Variants in CLEC16A observed in about 807,000 individuals in gnomAD.
The protein encoded by CLEC16A is protein CLEC16A.
CLEC16A carries 51 observed loss-of-function variants against 109.5 expected under a neutral mutation model. The observed-to-expected ratio is 0.47, with a 90% CI of 0.37 to 0.59. CLEC16A has a LOEUF of 0.59. Among genes scored for constraint, CLEC16A ranks in the 20% least tolerant of loss-of-function variants. The probability of loss-of-function intolerance (pLI) is 0.00; values close to 1 mark genes in which losing one functional copy is unlikely to be tolerated. For missense variants in CLEC16A, 1,339 were observed against 1,394.0 expected, an observed-to-expected ratio of 0.96 and a Z score of 0.63; for synonymous variants, 673 against 564.2, an observed-to-expected ratio of 1.19 and a Z score of -2.73.
chr16:10,978,523 C>T (rs984109419), intron 8 of CLEC16A, among the ~76,000 whole-genome samples: 11 of 152,190 alleles, frequency 7.2e-5, no homozygotes, highest in African/African-American at 2.7e-4. Flanking sequence ...ACGCCTGCCT[C>T]GGCCTCCCAA....
chr16:11,039,196 G>A (rs1227361114), intron 13 of CLEC16A, among the ~76,000 whole-genome samples: 2 of 152,042 alleles, frequency 1.3e-5, no homozygotes, highest in Non-Finnish European at 2.9e-5. Flanking sequence ...CCACCATTTG[G>A]GGCTAGCTTC....
chr16:11,158,560 C>A (rs535025597), intron 22 of CLEC16A, among the ~76,000 whole-genome samples: 2 of 152,100 alleles, frequency 1.3e-5, no homozygotes, highest in African/African-American at 4.8e-5. Context: ...ACCTCAGACT[C>A]AAAAGCCCCC....
intron 9 of CLEC16A, among the ~76,000 whole-genome samples, chr16:10,982,558 G>T (rs1475473431): frequency 9.9e-5 from 15 of 152,174 alleles, no homozygotes; most frequent in Admixed American, 9.8e-4. Context: ...GAGTGTGCTG[G>T]TTTGGCTGTT....
intron 12 of CLEC16A, among the ~76,000 whole-genome samples, chr16:11,021,396 C>T (rs553829290): frequency 7.2e-5 from 11 of 152,318 alleles, no homozygotes; most frequent in South Asian, 4.1e-4. Flanking sequence ...TAAACACAGA[C>T]GGTTGGGGAC....
chr16:11,044,628 G>GT (rs1567237407), intron 16 of CLEC16A, among the ~76,000 whole-genome samples: 2 of 152,102 alleles, frequency 1.3e-5, no homozygotes, highest in African/African-American at 4.8e-5. Context: ...GTTCCAGATG[G>GT]TTTTATAAAT....
rs545447854 is a variant in CLEC16A, at chr16:11,003,505, G to T, written c.1303+200G>T. ...TGCTGTAGGTGTATGTCATATGCAGGTCCAGGGCAAGTCCCGCCCTCATGG... is the reference window on the plus strand; with the variant it reads ...TGCTGTAGGTGTATGTCATATGCAGTTCCAGGGCAAGTCCCGCCCTCATGG... On this transcript the variant is annotated intron_variant, in intron 11 of 23. Transcript: ENST00000409790. Among the ~76,000 whole-genome samples, 3 of 152,290 alleles carry T rather than the reference G, an allele frequency of 2.0e-5. No individual in the cohort carries two copies. The East Asian group carries it at 5.8e-4, about 29-fold the overall frequency.
intron 19 of CLEC16A, among the ~76,000 whole-genome samples, chr16:11,065,819 G>T (rs1475582901): frequency 4.6e-5 from 7 of 152,224 alleles, no homozygotes; most frequent in Admixed American, 6.5e-5. Context: ...GGGAGAGAGG[G>T]TGCTGTGTCC....
At chr16:11,000,915 A>T (rs1204116967) in intron 10 of CLEC16A, among the ~76,000 whole-genome samples, 1 of 152,200 alleles carries the variant, frequency 6.6e-6, no homozygotes, top group African/African-American at 2.4e-5. Flanking sequence ...TCAGATGGAT[A>T]ATCTATATCA....
chr16:11,038,442 C>T (rs1172820867), intron 13 of CLEC16A, among the ~76,000 whole-genome samples: 1 of 152,076 alleles, frequency 6.6e-6, no homozygotes, highest in Non-Finnish European at 1.5e-5. Flanking sequence ...TTTGAAGAGC[C>T]ACGTCAGTTG....
chr16:11,011,083 T>C (rs1374064847), intron 11 of CLEC16A, among the ~76,000 whole-genome samples: 1 of 152,236 alleles, frequency 6.6e-6, no homozygotes, highest in Non-Finnish European at 1.5e-5. Flanking sequence ...GCCCAGTTTC[T>C]GTATTGTGTA....
At chr16:11,133,069 G>A (rs2153051365) in intron 22 of CLEC16A, among the ~76,000 whole-genome samples, 1 of 152,318 alleles carries the variant, frequency 6.6e-6, no homozygotes, top group South Asian at 2.1e-4. Context: ...GCTTCCTACT[G>A]GGTTTGGGGC....
chr16:11,037,842 C>T lies in CLEC16A; in HGVS notation c.1538-1912C>T, dbSNP rs149629873. 5.6e-3 allele frequency among the ~76,000 whole-genome samples: 699 copies of T among 125,158 alleles called. 10 individuals carry two copies. Among genetic ancestry groups the T allele is most frequent in the African/African-American group, 0.02 (671 of 33,054 alleles). 82.1% of individuals were successfully genotyped at this position (125,158 alleles called of 152,430 possible). A position where few individuals can be genotyped will look rare whatever the true frequency, so the allele number is the denominator to read the frequency against. On this transcript the variant is annotated intron_variant, in intron 13 of 23. Transcript: ENST00000409790. ...CAGTTCTCAAAGGGCCAGAAATTAA[C>T]GAGTAGAGAGATGTTAGGACAGTGT...
At chr16:11,026,945 A>T in intron 13 of CLEC16A, 1 of 1,223,272 alleles carries the variant, frequency 8.2e-7, no homozygotes, top group South Asian at 1.3e-5. Flanking sequence ...AGACGTCTCT[A>T]TGGTCAAGTA....
intron 19 of CLEC16A, among the ~76,000 whole-genome samples, chr16:11,082,865 T>C (rs1450629813): frequency 1.3e-5 from 2 of 152,152 alleles, no homozygotes; most frequent in African/African-American, 2.4e-5. Flanking sequence ...GCACTGGAAA[T>C]TGTGGGAGCC....
intron 18 of CLEC16A, among the ~76,000 whole-genome samples, chr16:11,053,218 TTCA>T (rs1253411820): frequency 6.6e-6 from 1 of 152,132 alleles, no homozygotes; most frequent in Non-Finnish European, 1.5e-5. Flanking sequence ...TGGTTCACAG[TTCA>T]TCAGGGTTTT....
intron 22 of CLEC16A, among the ~76,000 whole-genome samples, chr16:11,147,684 A>T (rs1441347156): frequency 6.6e-6 from 1 of 152,188 alleles, no homozygotes; most frequent in African/African-American, 2.4e-5. Context: ...CAGTATGTGA[A>T]TTCTATCTCA....
chr16:11,120,181 G>T (rs574085442), intron 19 of CLEC16A, among the ~76,000 whole-genome samples: 9 of 152,218 alleles, frequency 5.9e-5, no homozygotes, highest in Non-Finnish European at 1.0e-4. Context: ...ATGTTGGCCA[G>T]TCTGGTCTCG....
chr16:11,173,024 C>T (rs1458931472), intron 23 of CLEC16A, among the ~76,000 whole-genome samples: 1 of 152,158 alleles, frequency 6.6e-6, no homozygotes, highest in East Asian at 1.9e-4. Context: ...CGGCTTCCCT[C>T]CCATCTGGAC....
At chr16:11,095,918 G>A (rs1350337977) in intron 19 of CLEC16A, among the ~76,000 whole-genome samples, 1 of 151,994 alleles carries the variant, frequency 6.6e-6, no homozygotes, top group Non-Finnish European at 1.5e-5. Flanking sequence ...TCAAACTCCT[G>A]GGTTCAAGCA....
Sources: allele counts gnomAD v4.1 joint callset (sites outside exome capture counted in the v4.1 genomes callset), GRCh38; gene constraint gnomAD v4.1.1; transcripts MANE v1.5; gene names NCBI Gene and HGNC (gene_info 2026-07-23, HGNC 2026-07-21).